Variants in PEAK1 observed in about 807,000 individuals in gnomAD.
PEAK1 encodes inactive tyrosine-protein kinase PEAK1.
PEAK1 carries 54 observed loss-of-function variants against 124.7 expected under a neutral mutation model. The ratio of observed to expected loss-of-function variants is 0.43; its 90% CI spans 0.35 to 0.54. The LOEUF (loss-of-function observed/expected upper bound fraction) is 0.54. PEAK1 is among the 20% of genes least tolerant of loss of function. The pLI is 0.01. For synonymous variants in PEAK1, 719 were observed against 760.0 expected (o/e 0.95, Z 0.89); for missense variants, 2,046 against 2,134.5 (o/e 0.96, Z 0.82).
At chr15:77,304,441 CATTTTTTT>C (rs2063962678) in intron 2 of PEAK1, among the ~76,000 whole-genome samples, 1 of 124,738 alleles carries the variant, frequency 8.0e-6, no homozygotes, top group African/African-American at 2.9e-5. Flanking sequence ...CTCCTGTATA[CATTTTTTT>C]TTTTTTTTTT....
intron 5 of PEAK1, 37 bp downstream of exon 5, chr15:77,283,846 A>G (rs1001750896): frequency 3.2e-6 from 3 of 950,880 alleles, no homozygotes; most frequent in Admixed American, 6.2e-5. Flanking sequence ...CCAAAATTAA[A>G]TCAACTCATA....
rs1007516836 is a variant in PEAK1, at chr15:77,347,978, T to A, written c.-603+17185A>T. 4 of 985,118 alleles carry A rather than the reference T, an allele frequency of 4.1e-6. No individual in the cohort carries two copies. In the African/African-American group the frequency reaches 7.0e-5, roughly 17 times the overall value. 61.0% of individuals were successfully genotyped at this position (985,118 alleles called of 1,614,324 possible). On this transcript the variant is annotated intron_variant, in intron 2 of 9. Transcript: ENST00000682557. The stretch of plus-strand genomic sequence containing the variant: ...CAAACATACTGTATAGGTTGCATAA[T>A]GCTAACAAGACATTTTGTAATAGTG...
chr15:77,262,641 C>T (rs1596978471), intron 5 of PEAK1, among the ~76,000 whole-genome samples: 1 of 74,386 alleles, frequency 1.3e-5, no homozygotes, highest in African/African-American at 4.2e-5. Flanking sequence ...GAGACTCCCA[C>T]ACAATAATAA....
rs1011136741 is a variant in PEAK1 at position 77,217,068 on chromosome 15, A to G, written c.-114-35028T>C. 1.4e-4 allele frequency among the ~76,000 whole-genome samples: 21 copies of G among 151,910 alleles called. 1 individual carries two copies. Among genetic ancestry groups the G allele is most frequent in the African/African-American group, 1.2e-4 (5 of 41,346 alleles). ...CAACATAGGGAGACCCTGCCTATAC[A>G]AAAAAGAAAAAAGAGCTGGGCATGG... is the stretch of plus-strand genomic sequence containing the variant. On this transcript the variant is annotated intron_variant, in intron 6 of 9. Transcript: ENST00000682557.
intron 6 of PEAK1, among the ~76,000 whole-genome samples, chr15:77,197,574 A>G (rs889337951): frequency 6.6e-6 from 1 of 152,110 alleles, no homozygotes; most frequent in African/African-American, 2.4e-5. Flanking sequence ...TACCTTAATA[A>G]TATTTTGATA....
In PEAK1 at chr15:77,201,960, T is replaced by C. The variant is rs573517493; in HGVS notation, c.-114-19920A>G. Among the ~76,000 whole-genome samples, 8 of 152,266 alleles carry C rather than the reference T, an allele frequency of 5.3e-5. No homozygotes were observed. In the South Asian group the frequency reaches 1.2e-3, roughly 24 times the overall value. The stretch of plus-strand genomic sequence containing the variant: ...CATACTTAGATCACACTGGCTCCCT[T>C]TGTGCATCTGATTCATCTGCTTTTT... On this transcript the variant is annotated intron_variant, in intron 6 of 9. Transcript: ENST00000682557.
chr15:77,132,389 T>C (rs904910061), intron 9 of PEAK1, among the ~76,000 whole-genome samples: 8 of 151,824 alleles, frequency 5.3e-5, no homozygotes, highest in African/African-American at 1.4e-4. Context: ...CTGGCCAGGT[T>C]ACCTACTTTA....
At chr15:77,334,264 A>AT in intron 2 of PEAK1, 1 of 984,824 alleles carries the variant, frequency 1.0e-6, no homozygotes. Context: ...ATTTTCCTAG[A>AT]TTTTCTGGTA....
At chr15:77,330,095 G>C (rs1010175652) in intron 2 of PEAK1, among the ~76,000 whole-genome samples, 7 of 151,078 alleles carry the variant, frequency 4.6e-5, no homozygotes, top group Admixed American at 1.3e-4. Flanking sequence ...AGTCACTTTA[G>C]TTTTTTTTTA....
intron 2 of PEAK1, among the ~76,000 whole-genome samples, chr15:77,310,784 C>T (rs1360772332): frequency 6.6e-6 from 1 of 152,066 alleles, no homozygotes; most frequent in Admixed American, 6.6e-5. Context: ...CCTAAAGAAG[C>T]GTTGAGATCT....
chr15:77,407,402 T>C (rs1178354605), intron 1 of PEAK1, among the ~76,000 whole-genome samples: 1 of 151,738 alleles, frequency 6.6e-6, no homozygotes, highest in Admixed American at 6.6e-5. Context: ...AGAATCTACA[T>C]GGAACTCAAA....
chr15:77,139,820 A>G (rs957228264), intron 8 of PEAK1, among the ~76,000 whole-genome samples: 38 of 152,032 alleles, frequency 2.5e-4, no homozygotes, highest in African/African-American at 8.7e-4. Flanking sequence ...CACATATAAT[A>G]TATATATAAA....
intron 6 of PEAK1, among the ~76,000 whole-genome samples, chr15:77,213,090 T>C (rs886906228): frequency 3.9e-5 from 6 of 152,216 alleles, no homozygotes; most frequent in Non-Finnish European, 5.9e-5. Flanking sequence ...GCAGTATGTT[T>C]GCAGTCAGAA....
chr15:77,222,937 C>A (rs2059454976), intron 6 of PEAK1, among the ~76,000 whole-genome samples: 1 of 152,076 alleles, frequency 6.6e-6, no homozygotes, highest in Non-Finnish European at 1.5e-5. Context: ...TTCTGCCACT[C>A]AAAATACAGT....
intron 6 of PEAK1, among the ~76,000 whole-genome samples, chr15:77,241,730 TA>T (rs1045473648): frequency 2.1e-4 from 31 of 148,496 alleles, no homozygotes; most frequent in Middle Eastern, 3.5e-3. Flanking sequence ...CAGCTCCAAA[TA>T]AAAAAAAAAT....
chr15:77,130,877 T>A (rs1476953331), intron 9 of PEAK1, among the ~76,000 whole-genome samples: 6 of 152,188 alleles, frequency 3.9e-5, no homozygotes. Context: ...GTTAATGAAA[T>A]GAACAGTTAT....
intron 1 of PEAK1, among the ~76,000 whole-genome samples, chr15:77,374,601 T>C (rs1316337976): frequency 6.6e-6 from 1 of 152,148 alleles, no homozygotes; most frequent in East Asian, 1.9e-4. Context: ...TAAATGGTGA[T>C]ATAACAATCT....
chr15:77,240,661 T>C (rs761255829), intron 6 of PEAK1, among the ~76,000 whole-genome samples: 51 of 152,118 alleles, frequency 3.4e-4, no homozygotes, highest in Non-Finnish European at 5.4e-4. Context: ...TGGCCTCAGT[T>C]TTAAAAACTT....
At chr15:77,282,478 T>C (rs960425937) in intron 5 of PEAK1, among the ~76,000 whole-genome samples, 25 of 152,330 alleles carry the variant, frequency 1.6e-4, no homozygotes, top group Admixed American at 1.5e-3. Flanking sequence ...ATTAAAACCA[T>C]GCCTTCTGAA....
Sources: allele counts gnomAD v4.1 joint callset (sites outside exome capture counted in the v4.1 genomes callset), GRCh38; gene constraint gnomAD v4.1.1; transcripts MANE v1.5; gene names NCBI Gene and HGNC (gene_info 2026-07-23, HGNC 2026-07-21).